The following SGTA variants were observed in gnomAD, a reference collection of about 807,000 sequenced individuals.
SGTA encodes the protein small glutamine rich tetratricopeptide repeat co-chaperone alpha.
Under a neutral mutation model 44.3 loss-of-function variants are expected in SGTA, and 22 were observed. The ratio of observed to expected loss-of-function variants is 0.50; its 90% CI spans 0.36 to 0.71. The LOEUF is 0.71. Ranked by LOEUF, SGTA falls within the 30% of genes least tolerant of loss-of-function variation. SGTA has a pLI of 0.00. For missense variants in SGTA, 341 were observed against 435.9 expected (o/e 0.78, Z 1.94); for synonymous variants, 174 against 177.6 (o/e 0.98, Z 0.16).
At chr19:2,762,479 G>A (rs765695266) in intron 7 of SGTA, 27 bp downstream of exon 7, 3 of 1,612,536 alleles carry the variant, frequency 1.9e-6, no homozygotes, top group South Asian at 1.1e-5. Context: ...TCGGCGTTCT[G>A]GAGCCACTCG....
intron 6 of SGTA, 83 bp from the exon 7 acceptor site, chr19:2,762,727 T>C: frequency 6.5e-7 from 1 of 1,542,714 alleles, no homozygotes; most frequent in Non-Finnish European, 8.8e-7. Context: ...CCGGCGGTCC[T>C]GGCAACCCCC....
chr19:2,759,364 TC>T, intron 8 of SGTA, 70 bp from the exon 9 acceptor site: 1 of 1,462,264 alleles, frequency 6.8e-7, no homozygotes, highest in Non-Finnish European at 9.6e-7. Context: ...TCAGACACTT[TC>T]CATCTTAACC....
chr19:2,775,031 G>A (rs1035705843), intron 1 of SGTA, among the ~76,000 whole-genome samples: 4 of 152,310 alleles, frequency 2.6e-5, no homozygotes, highest in Middle Eastern at 6.8e-3. Context: ...AGGATGATCC[G>A]GCCTCAACAT....
intron 1 of SGTA, among the ~76,000 whole-genome samples, chr19:2,781,835 T>C (rs1915581720): frequency 6.6e-6 from 1 of 151,348 alleles, no homozygotes; most frequent in South Asian, 2.1e-4. Flanking sequence ...ATCACTGATC[T>C]AGGGTAGATT....
In SGTA at chr19:2,755,914, C is replaced by T. The variant is rs113415531; in HGVS notation, c.*26G>A. 724 of 985,790 alleles carry T rather than the reference C, an allele frequency of 7.3e-4. 3 individuals are homozygous for T. In the African/African-American group the frequency reaches 8.4e-3, roughly 11 times the overall value. The allele number at this position is 985,790 out of a possible 1,614,324, so 61.1% of individuals were successfully genotyped here. ...TTCCTTCGGGTCGGCCAGGGAAGGA[C>T]GCGGTCACACCGGGAGCAGCTGGAA... On this transcript the variant is annotated 3_prime_UTR_variant, in exon 12 of 12. Transcript: ENST00000221566. The surrounding 1 kb of genome is among the most constrained non-coding windows in gnomAD (Gnocchi z 5.2).
At position 2,761,962 on chromosome 19, in the gene SGTA, C is replaced by T. The variant is rs1393738544; in HGVS notation, c.637-440G>A. ...TTCCTGTATTCTGCCGCTTTGACACCTTGGGGCCTTGCTGGCCTGGCAGAG... is the reference window on the plus strand; with the variant it reads ...TTCCTGTATTCTGCCGCTTTGACACTTTGGGGCCTTGCTGGCCTGGCAGAG... On this transcript the variant is annotated intron_variant, in intron 7 of 11. Transcript: ENST00000221566. The surrounding 1 kb of genome is among the most constrained non-coding windows in gnomAD (Gnocchi z 5.7). Among the ~76,000 whole-genome samples, 3 of 152,192 alleles carry T rather than the reference C, an allele frequency of 2.0e-5. No homozygotes were observed. Among genetic ancestry groups the T allele is most frequent in the African/African-American group, 7.2e-5 (3 of 41,434 alleles).
chr19:2,761,743 G>A lies in SGTA; in HGVS notation c.637-221C>T, dbSNP rs1049295690. On this transcript the variant is annotated intron_variant, in intron 7 of 11. Transcript: ENST00000221566. This position sits in a 1 kb window ranked among gnomAD's most constrained non-coding sequence, Gnocchi z 5.7. ...TATTCCCCGCACAGCGCGACCGCCCGGGGACGGCACAGTCTATCATCCCGT... is the reference window on the plus strand; with the variant it reads ...TATTCCCCGCACAGCGCGACCGCCCAGGGACGGCACAGTCTATCATCCCGT... Among the ~76,000 whole-genome samples, 32 of 148,242 alleles carry A rather than the reference G, an allele frequency of 2.2e-4. No individual in the cohort carries two copies. Among genetic ancestry groups the A allele is most frequent in the Admixed American group, 1.3e-3 (19 of 14,956 alleles).
At chr19:2,772,403 G>C (rs1568311939) in intron 1 of SGTA, among the ~76,000 whole-genome samples, 1 of 152,240 alleles carries the variant, frequency 6.6e-6, no homozygotes, top group Non-Finnish European at 1.5e-5. Context: ...CCAGCACCCA[G>C]GAGGCCACGG....
chr19:2,756,803 T>A (rs1353064953), intron 11 of SGTA, among the ~76,000 whole-genome samples: 1 of 152,068 alleles, frequency 6.6e-6, no homozygotes, highest in East Asian at 1.9e-4. Flanking sequence ...TGGGGGACAC[T>A]GAGTGTATTT....
chr19:2,769,910 C>T (rs1179610315), intron 1 of SGTA, among the ~76,000 whole-genome samples: 3 of 137,092 alleles, frequency 2.2e-5, no homozygotes, highest in Non-Finnish European at 4.8e-5. Flanking sequence ...CCAGCGGACA[C>T]CAGCCTGGTT....
rs75211529 is a variant in SGTA at position 2,761,421 on chromosome 19, C to G, written c.699+39G>C. 3,987 of 1,525,224 alleles carry G rather than the reference C, an allele frequency of 2.6e-3. 74 individuals are homozygous for G. In the African/African-American group the frequency reaches 0.049, roughly 19 times the overall value. 94.5% of individuals were successfully genotyped at this position (1,525,224 alleles called of 1,614,324 possible). ...CAGCAGATGCGGGCCTGGGGGGTGGCGCAGACACCATGGACAGGGAGGAGG... is the reference window on the plus strand; with the variant it reads ...CAGCAGATGCGGGCCTGGGGGGTGGGGCAGACACCATGGACAGGGAGGAGG... On this transcript the variant is annotated intron_variant, in intron 8 of 11. Transcript: ENST00000221566. This position sits in a 1 kb window ranked among gnomAD's most constrained non-coding sequence, Gnocchi z 5.7.
intron 11 of SGTA, among the ~76,000 whole-genome samples, chr19:2,756,551 A>G (rs1283881889): frequency 6.6e-6 from 1 of 151,922 alleles, no homozygotes; most frequent in Non-Finnish European, 1.5e-5. Context: ...AATGAAAGAG[A>G]GTGTATATGA....
In SGTA at chr19:2,762,398, C is replaced by T. The variant is rs947971509; in HGVS notation, c.636+108G>A. On this transcript the variant is annotated intron_variant, in intron 7 of 11. Coordinates refer to ENST00000221566, the MANE Select transcript of SGTA (RefSeq NM_003021.4). ...CACCAACTGAAACAAACCCCGGACC[C>T]TCACGACACCCAGGTTAAGCCTAGA... 4 of 1,162,378 alleles carry T rather than the reference C, an allele frequency of 3.4e-6. No individual in the cohort carries two copies. In the African/African-American group the frequency reaches 6.1e-5, roughly 18 times the overall value. The allele number at this position is 1,162,378 out of a possible 1,614,324, so 72.0% of individuals were successfully genotyped here. A position where few individuals can be genotyped will look rare whatever the true frequency, so the allele number is the denominator to read the frequency against.
chr19:2,762,461 C>A, intron 7 of SGTA, 45 bp downstream of exon 7: 1 of 1,603,690 alleles, frequency 6.2e-7, no homozygotes, highest in South Asian at 1.1e-5. Flanking sequence ...CCCACCCACA[C>A]AGTCAGCTCG....
At chr19:2,782,685 G>A (rs981376709) in intron 1 of SGTA, 3 of 152,204 alleles carry the variant, frequency 2.0e-5, no homozygotes, top group African/African-American at 7.2e-5. Context: ...ACGAACGCCT[G>A]CTAATTCTTT....
Position 2,762,490 on chromosome 19 carries a change from C to T in SGTA, c.636+16G>A. ...CAGCTCGGCGTTCTGGAGCCACTCG[C>T]CCCCGCTGCACTCACGGGGCTGGGG... is the stretch of plus-strand genomic sequence containing the variant. On this transcript the variant is annotated intron_variant, in intron 7 of 11. Coordinates refer to ENST00000221566, the MANE Select transcript of SGTA (RefSeq NM_003021.4). The T allele has an allele frequency of 6.2e-7, 1 of 1,613,308 alleles. No individual in the cohort carries two copies.
Position 2,761,702 on chromosome 19 carries a change from T to C in SGTA, c.637-180A>G, listed in dbSNP as rs987214694. On this transcript the variant is annotated intron_variant, in intron 7 of 11. Coordinates refer to ENST00000221566, the MANE Select transcript of SGTA (RefSeq NM_003021.4). The surrounding 1 kb of genome is among the most constrained non-coding windows in gnomAD (Gnocchi z 5.7). ...TCGCAACCGCCCGGGGACGGCACAG[T>C]CTGTCATCCCGTGTTTATTCCCCGC... Among the ~76,000 whole-genome samples, 1 of 151,592 alleles carries C rather than the reference T, an allele frequency of 6.6e-6. No homozygotes were observed. Among genetic ancestry groups the C allele is most frequent in the Non-Finnish European group, 1.5e-5 (1 of 67,936 alleles).
At chr19:2,762,450 CCCCA>C in intron 7 of SGTA, 52 bp downstream of exon 7, 1 of 1,596,866 alleles carries the variant, frequency 6.3e-7, no homozygotes, top group Non-Finnish European at 8.6e-7. Flanking sequence ...AGGACCTGTC[CCCCA>C]CCCACACAGT....
chr19:2,774,420 C>A (rs1317876079), intron 1 of SGTA, among the ~76,000 whole-genome samples: 1 of 152,170 alleles, frequency 6.6e-6, no homozygotes, highest in Non-Finnish European at 1.5e-5. Flanking sequence ...GTCCCAGGAG[C>A]CAGCTGCCCG....
Sources: gnomAD v4.1 joint callset for allele counts (sites outside exome capture counted in the v4.1 genomes callset) on GRCh38, gnomAD v4.1.1 for gene constraint, Gnocchi (gnomAD v3.1) non-coding constraint, MANE v1.5 for transcripts, NCBI Gene and HGNC (gene_info 2026-07-23, HGNC 2026-07-21) for gene names.